The following STXBP5L variants were observed in gnomAD, a reference collection of about 807,000 sequenced individuals.
STXBP5L encodes the protein syntaxin binding protein 5L.
Under a neutral mutation model 144.5 loss-of-function variants are expected in STXBP5L, and 65 were observed. The ratio of observed to expected loss-of-function variants is 0.45; its 90% CI spans 0.37 to 0.55. The LOEUF is 0.55. Ranked by LOEUF, STXBP5L falls within the 20% of genes least tolerant of loss-of-function variation. The pLI, the probability that STXBP5L is intolerant of heterozygous loss-of-function variation, is 0.00. For missense variants in STXBP5L, 1,298 were observed against 1,405.5 expected (o/e 0.92, Z 1.22); for synonymous variants, 505 against 469.6 (o/e 1.08, Z -0.97).
chr3:120,938,055 T>G (rs1001015743), intron 2 of STXBP5L, among the ~76,000 whole-genome samples: 1 of 152,062 alleles, frequency 6.6e-6, no homozygotes, highest in Non-Finnish European at 1.5e-5. Context: ...GTAAAAAAGT[T>G]AGAAAATACA....
intron 3 of STXBP5L, among the ~76,000 whole-genome samples, chr3:120,970,739 TA>T (rs1940151373): frequency 6.6e-6 from 1 of 152,134 alleles, no homozygotes; most frequent in Admixed American, 6.6e-5. Flanking sequence ...CCATTATTAT[TA>T]TTTTTTTTAC....
chr3:121,064,318 C>T (rs1259571290), intron 5 of STXBP5L, among the ~76,000 whole-genome samples: 2 of 152,222 alleles, frequency 1.3e-5, no homozygotes, highest in African/African-American at 4.8e-5. Flanking sequence ...TCTAACCAGT[C>T]CCAGTGAGAT....
chr3:121,311,450 T>C (rs556781646), intron 19 of STXBP5L, among the ~76,000 whole-genome samples: 5 of 152,346 alleles, frequency 3.3e-5, no homozygotes, highest in South Asian at 2.1e-4. Flanking sequence ...AAAAGTGTGG[T>C]ATATCTTTAT....
chr3:121,023,163 A>G (rs551503139), intron 3 of STXBP5L, among the ~76,000 whole-genome samples: 2 of 152,246 alleles, frequency 1.3e-5, no homozygotes, highest in African/African-American at 4.8e-5. Flanking sequence ...TGCAAAAAAA[A>G]AAATACTTAG....
At chr3:120,917,638 G>A (rs2107572516) in intron 2 of STXBP5L, among the ~76,000 whole-genome samples, 1 of 152,182 alleles carries the variant, frequency 6.6e-6, no homozygotes, top group African/African-American at 2.4e-5. Flanking sequence ...AGGCTCTAAT[G>A]CACTGTGATC....
intron 8 of STXBP5L, among the ~76,000 whole-genome samples, chr3:121,156,157 C>T (rs2107999458): frequency 6.6e-6 from 1 of 152,022 alleles, no homozygotes; most frequent in East Asian, 1.9e-4. Flanking sequence ...AACACAAGTC[C>T]AGGATTTCAT....
chr3:121,118,358 C>G (rs1052453300), intron 6 of STXBP5L, among the ~76,000 whole-genome samples: 6 of 151,492 alleles, frequency 4.0e-5, no homozygotes, highest in African/African-American at 1.5e-4. Flanking sequence ...AGTAAAATAC[C>G]AGGGACAAGA....
chr3:121,216,321 G>A (rs2048774837), intron 10 of STXBP5L, among the ~76,000 whole-genome samples: 1 of 152,046 alleles, frequency 6.6e-6, no homozygotes, highest in Non-Finnish European at 1.5e-5. Context: ...TCATCTTCAT[G>A]GATTTATTTA....
intron 9 of STXBP5L, among the ~76,000 whole-genome samples, chr3:121,160,403 T>A (rs1187010437): frequency 6.6e-6 from 1 of 151,886 alleles, no homozygotes; most frequent in Non-Finnish European, 1.5e-5. Context: ...AGAAAAAAAA[T>A]TAAAAATACA....
At chr3:121,003,403 GTTTC>G (rs1172567013) in intron 3 of STXBP5L, among the ~76,000 whole-genome samples, 1 of 152,186 alleles carries the variant, frequency 6.6e-6, no homozygotes, top group Non-Finnish European at 1.5e-5. Flanking sequence ...TAATGGGGTT[GTTTC>G]TTTCTTGTAA....
chr3:121,246,093 T>C (rs338959), intron 14 of STXBP5L, among the ~76,000 whole-genome samples: 119,661 of 152,048 alleles, frequency 0.79, 47,317 homozygotes, highest in East Asian at 0.93. Flanking sequence ...TGTTAGGAAC[T>C]AGGCCACACA....
intron 9 of STXBP5L, among the ~76,000 whole-genome samples, chr3:121,192,815 A>C (rs1330621380): frequency 1.3e-5 from 2 of 152,230 alleles, no homozygotes; most frequent in Non-Finnish European, 2.9e-5. Context: ...TTATACAAAA[A>C]TTAATTCAAG....
intron 20 of STXBP5L, among the ~76,000 whole-genome samples, chr3:121,344,285 C>G (rs1212354313): frequency 1.3e-5 from 2 of 152,214 alleles, no homozygotes; most frequent in South Asian, 2.1e-4. Context: ...AGACCTAAAA[C>G]CATGAAAACC....
intron 4 of STXBP5L, among the ~76,000 whole-genome samples, chr3:121,044,845 T>C (rs1947400951): frequency 6.6e-6 from 1 of 152,152 alleles, no homozygotes; most frequent in Non-Finnish European, 1.5e-5. Context: ...CTTAGTATAA[T>C]TTTATAGTTA....
At chr3:121,408,725 T>G (rs1463394456) in intron 23 of STXBP5L, among the ~76,000 whole-genome samples, 5 of 151,954 alleles carry the variant, frequency 3.3e-5, no homozygotes, top group Non-Finnish European at 5.9e-5. Context: ...TCTAGCCATG[T>G]GTTAGGACAT....
intron 19 of STXBP5L, among the ~76,000 whole-genome samples, chr3:121,309,183 ACAATC>A (rs2043441182): frequency 6.6e-6 from 1 of 152,144 alleles, no homozygotes; most frequent in South Asian, 2.1e-4. Context: ...AAGTGATTAA[ACAATC>A]CAATCAAAAG....
chr3:121,083,074 C>G (rs147666026), intron 5 of STXBP5L, among the ~76,000 whole-genome samples: 5 of 152,036 alleles, frequency 3.3e-5, no homozygotes, highest in African/African-American at 1.2e-4. Flanking sequence ...GTGGCGTGCT[C>G]TGTAGTCCCA....
chr3:121,130,708 G>A (rs1174450585), intron 7 of STXBP5L, among the ~76,000 whole-genome samples: 5 of 152,038 alleles, frequency 3.3e-5, no homozygotes, highest in Admixed American at 3.3e-4. Flanking sequence ...GCAGTATACT[G>A]TATTATGCAT....
chr3:121,318,520 G>T lies in STXBP5L; in HGVS notation c.2156G>T (p.Arg719Leu), dbSNP rs748160165. 2 of 1,560,122 alleles carry T rather than the reference G, an allele frequency of 1.3e-6. No homozygotes were observed. The highest frequency in any genetic ancestry group is 2.4e-5 in the East Asian group (1 of 41,930). Residue 719 changes from arginine to leucine, a missense_variant, in exon 20 of 27, where the codon CGC (arginine) becomes CTC (leucine). Physicochemically the swap from Arg to Leu is moderately radical, Grantham distance 102. Coordinates refer to ENST00000471454, the MANE Select transcript of STXBP5L (RefSeq NM_001308330.2). ...NDSPVPLELERCKSPTSDHVN... is the reference protein window; with the variant it reads ...NDSPVPLELELCKSPTSDHVN... ...AGTCCAGTTCCCCTAGAACTTGAGC[G>T]CTGCAAGTCTCCTACCTCAGGTAAA...
Sources: gnomAD v4.1 joint callset for allele counts (sites outside exome capture counted in the v4.1 genomes callset) on GRCh38, gnomAD v4.1.1 for gene constraint, MANE v1.5 for transcripts, NCBI Gene and HGNC (gene_info 2026-07-23, HGNC 2026-07-21) for gene names.